Variants in CNTNAP2 observed in about 807,000 individuals in gnomAD.
CNTNAP2 encodes contactin-associated protein-like 2.
Under a neutral mutation model 155.2 loss-of-function variants are expected in CNTNAP2, and 98 were observed. The ratio of observed to expected loss-of-function variants is 0.63; its 90% CI spans 0.54 to 0.75. CNTNAP2 has a LOEUF of 0.75. Ranked by LOEUF, CNTNAP2 falls within the 30% of genes least tolerant of loss-of-function variation. The pLI is 0.00. For synonymous variants in CNTNAP2, 651 were observed against 631.2 expected (o/e 1.03, Z -0.47); for missense variants, 1,727 against 1,688.1 (o/e 1.02, Z -0.40).
chr7:147,011,414 A>T (rs1481954197), intron 3 of CNTNAP2, among the ~76,000 whole-genome samples: 1 of 124,224 alleles, frequency 8.0e-6, no homozygotes, highest in South Asian at 2.8e-4. Flanking sequence ...ATGACACTCC[A>T]TCTCAAAAAA....
At position 148,147,658 on chromosome 7, in the gene CNTNAP2, G is replaced by T. The variant is rs775673213; in HGVS notation, c.2722G>T (p.Ala908Ser). ...CCGGCTACCGCAGCAGATCCGCAAG[G>T]CCCCAACAGAAGGCCACACCCGCCT... is the stretch of plus-strand genomic sequence containing the variant. ...VDRLPQQIRK[A>S]PTEGHTRLEL... The change falls in exon 17 of 24, where the codon GCC becomes TCC. Residue 908 changes from alanine (A) to serine (S), a missense_variant. Transcript: ENST00000361727. 3.7e-6 allele frequency: 6 copies of T among 1,613,858 alleles called. No homozygotes were observed. The highest frequency in any genetic ancestry group is 2.2e-5 in the East Asian group (1 of 44,862).
At chr7:146,663,835 T>C (rs906026046) in intron 1 of CNTNAP2, among the ~76,000 whole-genome samples, 3 of 152,146 alleles carry the variant, frequency 2.0e-5, no homozygotes, top group Non-Finnish European at 2.9e-5. Context: ...CCAATCTATA[T>C]GCCCCAATTT....
intron 11 of CNTNAP2, among the ~76,000 whole-genome samples, chr7:147,497,852 A>G (rs142390149): frequency 1.3e-4 from 20 of 152,310 alleles, no homozygotes; most frequent in African/African-American, 3.8e-4. Context: ...TGGACAGCAC[A>G]AACTTTGTTA....
rs114169143 is a variant in CNTNAP2, at chr7:146,190,258, G to A, written c.97+73285G>A. Among the ~76,000 whole-genome samples the A allele has an allele frequency of 5.2e-3, 793 of 152,254 alleles. 6 individuals carry two copies. The highest frequency in any genetic ancestry group is 0.018 in the African/African-American group (751 of 41,542). ...GCCATTCTGCAAACCAAGGAGATAA[G>A]CAGTGACCTGCAGTGGTGCTCTTTC... On this transcript the variant is annotated intron_variant, in intron 1 of 23. Coordinates refer to ENST00000361727, the MANE Select transcript of CNTNAP2 (RefSeq NM_014141.6).
chr7:147,422,354 A>T (rs75583562), intron 10 of CNTNAP2, among the ~76,000 whole-genome samples: 27,898 of 151,070 alleles, frequency 0.18, 3,099 homozygotes, highest in Non-Finnish European at 0.25. Context: ...TACACTATGT[A>T]TGTGTATATA....
chr7:146,571,564 G>C (rs1162266100), intron 1 of CNTNAP2, among the ~76,000 whole-genome samples: 1 of 151,978 alleles, frequency 6.6e-6, no homozygotes, highest in Non-Finnish European at 1.5e-5. Flanking sequence ...CTAGCTCTGA[G>C]CTCTATACCA....
intron 1 of CNTNAP2, among the ~76,000 whole-genome samples, chr7:146,330,012 CTT>C (rs748334732): frequency 1.4e-3 from 103 of 74,808 alleles, no homozygotes; most frequent in African/African-American, 6.6e-3. Context: ...CAAGTACTTT[CTT>C]TTTTTTTTTT....
Position 147,848,361 on chromosome 7 carries a change from C to T in CNTNAP2, c.2099-55204C>T, listed in dbSNP as rs1363149528. Among the ~76,000 whole-genome samples the T allele has an allele frequency of 1.8e-4, 27 of 150,456 alleles. No homozygotes were observed. The East Asian group carries it at 4.7e-3, about 26-fold the overall frequency. On this transcript the variant is annotated intron_variant, in intron 13 of 23. Transcript: ENST00000361727. ...TTCGGGTGGGAGTGACCCGATTTTC[C>T]AGGTGCGTCCGTCACCCCTTTCTTT...
Position 147,877,144 on chromosome 7 carries a change from G to GT in CNTNAP2, c.2099-26420dup, listed in dbSNP as rs372188557. 7.0e-4 allele frequency among the ~76,000 whole-genome samples: 107 copies of GT among 151,946 alleles called. 2 individuals are homozygous for GT. Among genetic ancestry groups the GT allele is most frequent in the African/African-American group, 2.3e-3 (96 of 41,434 alleles). On this transcript the variant is annotated intron_variant, in intron 13 of 23. Coordinates refer to ENST00000361727, the MANE Select transcript of CNTNAP2 (RefSeq NM_014141.6). ...GTTCAGACACAACGAAGGCTTTTTT[G>GT]TGTTGTTTGGCCATGATCATGGAGT...
chr7:147,000,741 G>A (rs1422602529), intron 3 of CNTNAP2, among the ~76,000 whole-genome samples: 1 of 152,112 alleles, frequency 6.6e-6, no homozygotes, highest in Admixed American at 6.6e-5. Context: ...GCGGTGCTAG[G>A]GTGTGCTTGA....
intron 1 of CNTNAP2, among the ~76,000 whole-genome samples, chr7:146,124,644 A>AT (rs1472910408): frequency 1.3e-5 from 2 of 152,184 alleles, no homozygotes; most frequent in South Asian, 4.1e-4. Flanking sequence ...TATTTGAAAC[A>AT]TTTTTTGGTT....
At chr7:147,681,741 G>T (rs927701301) in intron 13 of CNTNAP2, among the ~76,000 whole-genome samples, 2 of 151,808 alleles carry the variant, frequency 1.3e-5, no homozygotes, top group Admixed American at 1.3e-4. Context: ...TTAGCTTTCT[G>T]TACTTTCAGT....
At chr7:147,481,822 T>G (rs1798427470) in intron 10 of CNTNAP2, among the ~76,000 whole-genome samples, 1 of 152,202 alleles carries the variant, frequency 6.6e-6, no homozygotes, top group African/African-American at 2.4e-5. Context: ...CGAGTCATTT[T>G]TATTCATTTT....
chr7:147,422,241 A>G (rs1797306867), intron 10 of CNTNAP2, among the ~76,000 whole-genome samples: 1 of 149,416 alleles, frequency 6.7e-6, no homozygotes, highest in African/African-American at 2.4e-5. Flanking sequence ...GTGTGTATAT[A>G]GTATACTCAT....
intron 1 of CNTNAP2, among the ~76,000 whole-genome samples, chr7:146,239,857 C>G (rs1056657126): frequency 1.3e-5 from 2 of 152,100 alleles, no homozygotes; most frequent in Non-Finnish European, 2.9e-5. Flanking sequence ...TGCAACACAT[C>G]TGAGGGAAAT....
chr7:147,759,620 A>T (rs1001313047), intron 13 of CNTNAP2, among the ~76,000 whole-genome samples: 2 of 152,204 alleles, frequency 1.3e-5, no homozygotes, highest in African/African-American at 4.8e-5. Flanking sequence ...AGATGATGAT[A>T]AAGGCAATTC....
intron 1 of CNTNAP2, among the ~76,000 whole-genome samples, chr7:146,763,948 T>A (rs553583074): frequency 1.3e-5 from 2 of 152,198 alleles, no homozygotes; most frequent in Non-Finnish European, 2.9e-5. Context: ...CCAAGTACAC[T>A]GGGAAAATGC....
At chr7:147,483,341 T>C (rs1428939087) in intron 10 of CNTNAP2, among the ~76,000 whole-genome samples, 2 of 152,110 alleles carry the variant, frequency 1.3e-5, no homozygotes, top group Admixed American at 6.5e-5. Context: ...TGAAAATGCG[T>C]GGATTTGGGT....
At chr7:146,345,282 T>G (rs2129097369) in intron 1 of CNTNAP2, among the ~76,000 whole-genome samples, 1 of 152,302 alleles carries the variant, frequency 6.6e-6, no homozygotes, top group South Asian at 2.1e-4. Flanking sequence ...CACTTTGCAT[T>G]TTTTCTCCTG....
Sources: allele counts gnomAD v4.1 joint callset (sites outside exome capture counted in the v4.1 genomes callset), GRCh38; gene constraint gnomAD v4.1.1; transcripts MANE v1.5; gene names NCBI Gene and HGNC (gene_info 2026-07-23, HGNC 2026-07-21).